ARFGEF3: variants seen among roughly 807,000 people sequenced by gnomAD.
ARFGEF3 encodes the protein brefeldin A-inhibited guanine nucleotide-exchange protein 3.
In ARFGEF3, 96 loss-of-function variants were observed where a neutral mutation model predicts 221.7. The ratio of observed to expected loss-of-function variants is 0.43; its 90% confidence interval spans 0.37 to 0.51. The LOEUF is 0.51. Ranked by LOEUF, ARFGEF3 falls within the 20% of genes least tolerant of loss-of-function variation. The pLI, the probability that ARFGEF3 is intolerant of heterozygous loss-of-function variation, is 0.00. For synonymous variants in ARFGEF3, 1,145 were observed against 1,126.8 expected (o/e 1.02, Z -0.32); for missense variants, 2,410 against 2,789.9 (o/e 0.86, Z 3.07).
chr6:138,163,394 CTTAAAG>C (rs1776657097), intron 1 of ARFGEF3, among the ~76,000 whole-genome samples: 2 of 152,180 alleles, frequency 1.3e-5, no homozygotes, highest in South Asian at 4.1e-4. Context: ...CAGCAAGGCT[CTTAAAG>C]CCACAGTACT....
intron 24 of ARFGEF3, 69 bp from the exon 25 acceptor site, chr6:138,311,338 C>T: frequency 1.1e-6 from 1 of 911,068 alleles, no homozygotes; most frequent in Non-Finnish European, 1.7e-6. Flanking sequence ...TGTGAGTAAA[C>T]AGGTCTCCTG....
chr6:138,299,927 ATC>A (rs1350322207), intron 22 of ARFGEF3, among the ~76,000 whole-genome samples: 1 of 152,190 alleles, frequency 6.6e-6, no homozygotes, highest in African/African-American at 2.4e-5. Context: ...CCACCTCAGG[ATC>A]TGAGAAAATA....
At chr6:138,166,903 T>G (rs1241687952) in intron 1 of ARFGEF3, among the ~76,000 whole-genome samples, 5 of 152,198 alleles carry the variant, frequency 3.3e-5, no homozygotes, top group African/African-American at 1.2e-4. Context: ...CAGCCACAGG[T>G]GATTACTTCA....
chr6:138,277,203 G>T (rs1779114045), intron 12 of ARFGEF3, among the ~76,000 whole-genome samples: 1 of 152,022 alleles, frequency 6.6e-6, no homozygotes, highest in Non-Finnish European at 1.5e-5. Context: ...TTTATTCTAG[G>T]TGCTTCATAG....
rs183527508 is a variant in ARFGEF3, at chr6:138,247,636, G to A, written c.665+2045G>A. 1.2e-3 allele frequency among the ~76,000 whole-genome samples: 184 copies of A among 152,216 alleles called. 1 individual carries two copies. The highest frequency in any genetic ancestry group is 3.4e-3 in the Middle Eastern group (1 of 294). On this transcript the variant is annotated intron_variant, in intron 8 of 33. Coordinates refer to ENST00000251691, the MANE Select transcript of ARFGEF3 (RefSeq NM_020340.5). ...TACATTATCTTTGTTGGATTACCTG[G>A]GTTAAAACCCACGCTTTGCCCCTTA...
intron 4 of ARFGEF3, chr6:138,218,459 A>G (rs1039991194): frequency 6.8e-7 from 1 of 1,464,720 alleles, no homozygotes; most frequent in African/African-American, 1.4e-5. Context: ...AAATTATTAT[A>G]CATCAATTAG....
intron 32 of ARFGEF3, among the ~76,000 whole-genome samples, chr6:138,329,212 C>T (rs543801463): frequency 2.6e-5 from 4 of 152,294 alleles, no homozygotes; most frequent in African/African-American, 9.6e-5. Context: ...CACTTTTAAA[C>T]TTCTGACACG....
chr6:138,320,174 C>T (rs185065515), intron 28 of ARFGEF3, among the ~76,000 whole-genome samples: 43 of 151,976 alleles, frequency 2.8e-4, no homozygotes, highest in African/African-American at 9.7e-4. Context: ...AGAAGGGAGG[C>T]GAATTCAAGT....
chr6:138,244,576 T>C (rs1778451115), intron 7 of ARFGEF3, among the ~76,000 whole-genome samples: 1 of 152,174 alleles, frequency 6.6e-6, no homozygotes, highest in South Asian at 2.1e-4. Flanking sequence ...TCTGTGGGAG[T>C]TTTGGTTCTA....
At chr6:138,207,420 T>C (rs1777644211) in intron 3 of ARFGEF3, among the ~76,000 whole-genome samples, 4 of 151,940 alleles carry the variant, frequency 2.6e-5, no homozygotes, top group African/African-American at 9.7e-5. Flanking sequence ...GAGTAAGGGA[T>C]CCCAAAAAAG....
intron 12 of ARFGEF3, 130 bp from the exon 13 acceptor site, chr6:138,278,321 A>T: frequency 1.2e-6 from 1 of 840,278 alleles, no homozygotes; most frequent in African/African-American, 1.7e-5. Context: ...ATTCCTGGCT[A>T]GCTGTCAGTG....
chr6:138,250,740 G>C (rs1252040236), intron 8 of ARFGEF3, among the ~76,000 whole-genome samples: 1 of 152,224 alleles, frequency 6.6e-6, no homozygotes, highest in Non-Finnish European at 1.5e-5. Flanking sequence ...GTGCACCTGG[G>C]AAGAAGTTCA....
intron 4 of ARFGEF3, among the ~76,000 whole-genome samples, chr6:138,228,068 C>G (rs1778120255): frequency 6.6e-6 from 1 of 152,168 alleles, no homozygotes; most frequent in South Asian, 2.1e-4. Flanking sequence ...TACCAAATCC[C>G]AGTTCCCAAA....
At chr6:138,192,049 C>T (rs1429195980) in intron 2 of ARFGEF3, among the ~76,000 whole-genome samples, 2 of 152,110 alleles carry the variant, frequency 1.3e-5, no homozygotes, top group Non-Finnish European at 2.9e-5. Context: ...GAGGCAGGAC[C>T]CTGCCTTGGA....
chr6:138,292,680 C>T (rs1037133918), intron 19 of ARFGEF3, among the ~76,000 whole-genome samples: 4 of 152,000 alleles, frequency 2.6e-5, no homozygotes, highest in African/African-American at 9.7e-5. Flanking sequence ...ACAGGGAGGA[C>T]CGTCAGGAAG....
At position 138,337,336 on chromosome 6, in the gene ARFGEF3, G is replaced by C. The variant is rs374254738; in HGVS notation, c.*850G>C. 3.3e-5 allele frequency: 5 copies of C among 152,760 alleles called. No homozygotes were observed. Among genetic ancestry groups the C allele is most frequent in the African/African-American group, 1.2e-4 (5 of 41,568 alleles). The allele number at this position is 152,760 out of a possible 1,614,324, so 9.5% of individuals were successfully genotyped here. A position where few individuals can be genotyped will look rare whatever the true frequency, so the allele number is the denominator to read the frequency against. On this transcript the variant is annotated 3_prime_UTR_variant, in exon 34 of 34. Coordinates refer to ENST00000251691, the MANE Select transcript of ARFGEF3 (RefSeq NM_020340.5). ...CAAACAAGGAAAGGAAAGGAAAGAA[G>C]AAAAGGTGCCTTAGTCCTTTGTTGC...
At chr6:138,272,806 G>A (rs1779028976) in intron 12 of ARFGEF3, among the ~76,000 whole-genome samples, 2 of 152,232 alleles carry the variant, frequency 1.3e-5, no homozygotes, top group South Asian at 4.1e-4. Context: ...GTGCACAGTT[G>A]GTAGGTGGGA....
intron 3 of ARFGEF3, 57 bp downstream of exon 3, chr6:138,207,180 T>C (rs1251407757): frequency 2.2e-6 from 3 of 1,341,312 alleles, no homozygotes; most frequent in African/African-American, 2.9e-5. Flanking sequence ...ACTTTGGCAT[T>C]GAAAGGGCAA....
chr6:138,293,894 T>C (rs756732122), intron 19 of ARFGEF3, 99 bp from the exon 20 acceptor site: 2 of 1,207,708 alleles, frequency 1.7e-6, no homozygotes, highest in African/African-American at 1.5e-5. Flanking sequence ...TTACACAGCA[T>C]TTCCATTAAT....
Sources: gnomAD v4.1 joint callset for allele counts (sites outside exome capture counted in the v4.1 genomes callset) on GRCh38, gnomAD v4.1.1 for gene constraint, MANE v1.5 for transcripts, NCBI Gene and HGNC (gene_info 2026-07-23, HGNC 2026-07-21) for gene names.